The following PDE1C variants were observed in gnomAD, a reference collection of about 807,000 sequenced individuals.
The protein encoded by PDE1C is dual specificity calcium/calmodulin-dependent 3',5'-cyclic nucleotide phosphodiesterase 1C.
Under a neutral mutation model 93.1 loss-of-function variants are expected in PDE1C, and 62 were observed. The ratio of observed to expected loss-of-function variants is 0.67; its 90% CI spans 0.54 to 0.82. The LOEUF (loss-of-function observed/expected upper bound fraction) is 0.82, where lower values mean the gene tolerates loss of function less well. PDE1C is among the 40% of genes least tolerant of loss of function. The pLI is 0.00. For missense variants in PDE1C, 742 were observed against 884.6 expected (o/e 0.84, Z 2.04); for synonymous variants, 325 against 310.1 (o/e 1.05, Z -0.50).
intron 1 of PDE1C, among the ~76,000 whole-genome samples, chr7:32,310,111 A>G (rs1782974600): frequency 6.6e-6 from 1 of 152,066 alleles, no homozygotes; most frequent in Non-Finnish European, 1.5e-5. Flanking sequence ...CTAGTCTCTG[A>G]TAAAACAGAC....
At chr7:32,028,494 CTTA>C (rs1789792076) in intron 2 of PDE1C, among the ~76,000 whole-genome samples, 1 of 152,064 alleles carries the variant, frequency 6.6e-6, no homozygotes, top group African/African-American at 2.4e-5. Flanking sequence ...ACTTCAGTTT[CTTA>C]TTGTTATTAT....
intron 1 of PDE1C, among the ~76,000 whole-genome samples, chr7:32,304,501 C>A (rs1812949974): frequency 6.6e-6 from 1 of 152,170 alleles, no homozygotes; most frequent in Admixed American, 6.5e-5. Context: ...CTGTGATGAG[C>A]TTTAGAGCAA....
intron 2 of PDE1C, among the ~76,000 whole-genome samples, chr7:32,202,322 C>T (rs1489180572): frequency 6.6e-6 from 1 of 152,120 alleles, no homozygotes; most frequent in Non-Finnish European, 1.5e-5. Flanking sequence ...AGTGTCCTGC[C>T]CCTTACCCCC....
In PDE1C at chr7:31,866,163, A is replaced by G. The variant is rs1213570500; in HGVS notation, c.610-1081T>C. 5.3e-5 allele frequency among the ~76,000 whole-genome samples: 8 copies of G among 152,280 alleles called. No individual in the cohort carries two copies. The East Asian group carries it at 1.4e-3, about 26-fold the overall frequency. ...AAATTATACAATATAAGGCTAGGGG[A>G]AAAGGAGAGGATATGTCTTCCTGAG... is the stretch of plus-strand genomic sequence containing the variant. On this transcript the variant is annotated intron_variant, in intron 6 of 17. Coordinates refer to ENST00000396191, the MANE Select transcript of PDE1C (RefSeq NM_001191057.4).
chr7:31,901,135 C>CAA (rs57467525), intron 2 of PDE1C, among the ~76,000 whole-genome samples: 2 of 128,650 alleles, frequency 1.6e-5, no homozygotes, highest in African/African-American at 3.0e-5. Context: ...GCATTATTTA[C>CAA]AAAAAAAAAA....
At chr7:31,803,540 G>A (rs1261445020) in intron 16 of PDE1C, among the ~76,000 whole-genome samples, 3 of 151,662 alleles carry the variant, frequency 2.0e-5, no homozygotes, top group Admixed American at 6.6e-5. Flanking sequence ...ATCTCCTAAT[G>A]CTATCCCTCC....
At chr7:31,759,692 C>T (rs950396230) in intron 17 of PDE1C, among the ~76,000 whole-genome samples, 6 of 152,142 alleles carry the variant, frequency 3.9e-5, no homozygotes, top group Non-Finnish European at 7.4e-5. Context: ...GATACATCAC[C>T]GTCCTTTATT....
chr7:32,296,973 C>T (rs7790355), intron 1 of PDE1C, among the ~76,000 whole-genome samples: 16,062 of 152,126 alleles, frequency 0.11, 958 homozygotes, highest in East Asian at 0.15. Flanking sequence ...TGAGCTCCAA[C>T]GGAGAACTCA....
chr7:32,199,263 A>G lies in PDE1C; in HGVS notation c.136+10226T>C, dbSNP rs114654245. ...CAGTTTCATTATAATGTATCTGCCA[A>G]TAGATTTTTTATTTTCCTGATTGAA... is the stretch of plus-strand genomic sequence containing the variant. On this transcript the variant is annotated intron_variant, in intron 2 of 18. Coordinates refer to the PDE1C transcript ENST00000396193. 2.8e-3 allele frequency among the ~76,000 whole-genome samples: 431 copies of G among 152,194 alleles called. 4 individuals are homozygous for G. Among genetic ancestry groups the G allele is most frequent in the African/African-American group, 9.9e-3 (413 of 41,520 alleles).
In PDE1C at chr7:32,175,493, A is replaced by T. The variant is rs148679312; in HGVS notation, c.137-5537T>A. On this transcript the variant is annotated intron_variant, in intron 2 of 18. Coordinates refer to the PDE1C transcript ENST00000396193. Reference sequence around the variant, plus strand: ...TTTTGCTGGTGGAGAATCTTGCCTCAGCGTTGATGGCTGCTGACTGATCAG... The same window carrying T: ...TTTTGCTGGTGGAGAATCTTGCCTCTGCGTTGATGGCTGCTGACTGATCAG... Among the ~76,000 whole-genome samples the T allele has an allele frequency of 3.1e-3, 471 of 152,350 alleles. 1 individual carries two copies. The highest frequency in any genetic ancestry group is 7.6e-3 in the Admixed American group (116 of 15,302).
At chr7:32,418,819 A>G (rs1435811098) in intron 1 of PDE1C, among the ~76,000 whole-genome samples, 1 of 152,192 alleles carries the variant, frequency 6.6e-6, no homozygotes, top group Non-Finnish European at 1.5e-5. Flanking sequence ...CTTTTTCCAA[A>G]CTGCCCTGCA....
intron 1 of PDE1C, among the ~76,000 whole-genome samples, chr7:32,341,026 T>C (rs1783736888): frequency 6.6e-6 from 1 of 152,084 alleles, no homozygotes; most frequent in African/African-American, 2.4e-5. Flanking sequence ...TGTGTCCATG[T>C]AGGTTCAGCA....
chr7:32,360,667 T>G (rs1307038732), intron 1 of PDE1C, among the ~76,000 whole-genome samples: 1 of 152,204 alleles, frequency 6.6e-6, no homozygotes, highest in Non-Finnish European at 1.5e-5. Context: ...ATTTTGAAAT[T>G]TGTACTAATT....
intron 3 of PDE1C, among the ~76,000 whole-genome samples, chr7:32,083,196 T>C (rs972464954): frequency 4.0e-5 from 6 of 151,748 alleles, no homozygotes; most frequent in African/African-American, 9.7e-5. Flanking sequence ...GAGAACTACG[T>C]GAAGAATGCA....
intron 3 of PDE1C, among the ~76,000 whole-genome samples, chr7:32,141,871 G>T (rs148177027): frequency 1.1e-4 from 17 of 152,290 alleles, no homozygotes; most frequent in Admixed American, 4.6e-4. Context: ...GAGGTATATG[G>T]TGACACTCTG....
intron 2 of PDE1C, among the ~76,000 whole-genome samples, chr7:31,924,607 T>C (rs1207711054): frequency 6.6e-6 from 1 of 152,166 alleles, no homozygotes; most frequent in Non-Finnish European, 1.5e-5. Context: ...TCCAATGTCA[T>C]TTCCTCCAGC....
At chr7:32,025,754 T>C (rs1036088567) in intron 2 of PDE1C, among the ~76,000 whole-genome samples, 9 of 152,258 alleles carry the variant, frequency 5.9e-5, no homozygotes, top group Non-Finnish European at 1.2e-4. Flanking sequence ...ATGTCATGAA[T>C]GGAGTGCTCT....
intron 3 of PDE1C, among the ~76,000 whole-genome samples, chr7:32,102,131 T>G (rs1196844482): frequency 6.6e-6 from 1 of 152,210 alleles, no homozygotes; most frequent in East Asian, 1.9e-4. Flanking sequence ...CATTTCAACA[T>G]GAGATTTGGT....
chr7:31,668,472 G>C, the PDE1C span, among the ~76,000 whole-genome samples: 6 of 139,692 alleles, frequency 4.3e-5, no homozygotes, highest in South Asian at 1.2e-3. Context: ...GTCTATCCAC[G>C]CAAAGGAGTA....
Sources: gnomAD v4.1 joint callset for allele counts (sites outside exome capture counted in the v4.1 genomes callset) on GRCh38, gnomAD v4.1.1 for gene constraint, MANE v1.5 for transcripts, NCBI Gene and HGNC (gene_info 2026-07-23, HGNC 2026-07-21) for gene names.